Variants in CNGB3 observed in about 807,000 individuals in gnomAD.
CNGB3 encodes cyclic nucleotide-gated channel beta-3.
Under a neutral mutation model 92.8 loss-of-function variants are expected in CNGB3, and 86 were observed. The ratio of observed to expected loss-of-function variants is 0.93; its 90% CI spans 0.78 to 1.11. The LOEUF is 1.11. Among genes scored for constraint, CNGB3 ranks in the 50% least tolerant of loss-of-function variants. The probability of loss-of-function intolerance (pLI) is 0.00; values close to 1 mark genes in which losing one functional copy is unlikely to be tolerated. For synonymous variants in CNGB3, 333 were observed against 332.7 expected (o/e 1.00, Z -0.01); for missense variants, 1,026 against 956.8 (o/e 1.07, Z -0.95).
intron 6 of CNGB3, among the ~76,000 whole-genome samples, chr8:86,665,384 A>T (rs1823722079): frequency 6.6e-6 from 1 of 152,194 alleles, no homozygotes; most frequent in Non-Finnish European, 1.5e-5. Flanking sequence ...CTTAAAACAG[A>T]CCTACCATTT....
intron 15 of CNGB3, among the ~76,000 whole-genome samples, chr8:86,580,214 C>T (rs902588887): frequency 6.0e-5 from 9 of 150,316 alleles, no homozygotes; most frequent in Non-Finnish European, 1.2e-4. Context: ...GGGGGAACTG[C>T]CCTCATGATC....
chr8:86,598,237 G>A (rs1415156389), intron 15 of CNGB3, among the ~76,000 whole-genome samples: 1 of 152,190 alleles, frequency 6.6e-6, no homozygotes, highest in African/African-American at 2.4e-5. Context: ...ACTGATTGTG[G>A]AGGATATGGT....
chr8:86,702,926 C>T (rs1034937010), intron 3 of CNGB3, among the ~76,000 whole-genome samples: 2 of 151,826 alleles, frequency 1.3e-5, no homozygotes, highest in African/African-American at 2.4e-5. Context: ...TTTGTCATTT[C>T]TTCCACCTTA....
chr8:86,642,467 G>A (rs534246541), intron 10 of CNGB3, among the ~76,000 whole-genome samples: 15 of 151,624 alleles, frequency 9.9e-5, no homozygotes, highest in South Asian at 4.1e-4. Context: ...CTTTAAAATC[G>A]GTTCTGGTTG....
intron 6 of CNGB3, chr8:86,659,061 C>T: frequency 1.1e-6 from 1 of 885,830 alleles, no homozygotes; most frequent in Admixed American, 2.0e-5. Context: ...CTCAGAGGGC[C>T]CTGCTGGGGG....
chr8:86,716,084 G>A (rs1824848458), intron 3 of CNGB3, among the ~76,000 whole-genome samples: 1 of 151,998 alleles, frequency 6.6e-6, no homozygotes, highest in Non-Finnish European at 1.5e-5. Flanking sequence ...AAAGCAAAAT[G>A]CACTAGAAAG....
intron 3 of CNGB3, among the ~76,000 whole-genome samples, chr8:86,676,308 A>G (rs9297946): frequency 0.77 from 117,487 of 151,994 alleles, 46,752 homozygotes; most frequent in East Asian, 1. Context: ...TAGTTGAATC[A>G]TGAAGGATGG....
At chr8:86,728,330 T>A (rs1177296946) in intron 2 of CNGB3, among the ~76,000 whole-genome samples, 1 of 152,136 alleles carries the variant, frequency 6.6e-6, no homozygotes, top group East Asian at 1.9e-4. Flanking sequence ...AATGAGTTTA[T>A]CAGTATCCAA....
chr8:86,614,362 G>A (rs1447764114), intron 13 of CNGB3, among the ~76,000 whole-genome samples: 2 of 152,078 alleles, frequency 1.3e-5, no homozygotes, highest in African/African-American at 2.4e-5. Context: ...ACTCATGTCT[G>A]CTTGCTGTAA....
At chr8:86,700,949 T>A (rs915735253) in intron 3 of CNGB3, among the ~76,000 whole-genome samples, 3 of 152,174 alleles carry the variant, frequency 2.0e-5, no homozygotes, top group Admixed American at 6.5e-5. Context: ...TGGGAAGGAA[T>A]GTTTTTGAAT....
intron 3 of CNGB3, among the ~76,000 whole-genome samples, chr8:86,694,423 C>G (rs1312950867): frequency 6.6e-6 from 1 of 150,650 alleles, no homozygotes; most frequent in Non-Finnish European, 1.5e-5. Context: ...CCCTCCCGGA[C>G]GGGGTGGCTG....
intron 7 of CNGB3, among the ~76,000 whole-genome samples, chr8:86,653,781 C>A (rs1360534933): frequency 6.6e-6 from 1 of 152,038 alleles, no homozygotes; most frequent in Non-Finnish European, 1.5e-5. Context: ...GAATTCAAAT[C>A]TGGGCACTAA....
At chr8:86,596,357 C>G (rs1253181060) in intron 15 of CNGB3, among the ~76,000 whole-genome samples, 2 of 152,112 alleles carry the variant, frequency 1.3e-5, no homozygotes, top group African/African-American at 4.8e-5. Flanking sequence ...AATGCTTCTA[C>G]CTTTTGGCCT....
chr8:86,654,182 C>T (rs998710532), intron 6 of CNGB3, 120 bp from the exon 7 acceptor site: 3 of 720,756 alleles, frequency 4.2e-6, no homozygotes, highest in African/African-American at 1.8e-5. Context: ...AATAAACATC[C>T]TCCATATTCC....
At chr8:86,675,818 AAAAAG>A (rs1823956043) in intron 3 of CNGB3, among the ~76,000 whole-genome samples, 1 of 152,240 alleles carries the variant, frequency 6.6e-6, no homozygotes, top group African/African-American at 2.4e-5. Context: ...AAAGCTGATG[AAAAAG>A]AAAAGAACTA....
chr8:86,735,257 C>T (rs961980809), intron 2 of CNGB3, among the ~76,000 whole-genome samples: 8 of 148,810 alleles, frequency 5.4e-5, no homozygotes, highest in African/African-American at 2.0e-4. Flanking sequence ...ATTCTCCTGC[C>T]TCAGCCTCCC....
At chr8:86,676,226 G>T (rs1376410913) in intron 3 of CNGB3, among the ~76,000 whole-genome samples, 3 of 152,146 alleles carry the variant, frequency 2.0e-5, no homozygotes, top group Admixed American at 2.0e-4. Flanking sequence ...ATGGAGAGAT[G>T]ACTAATTTTG....
At chr8:86,717,854 A>C (rs1824891672) in intron 3 of CNGB3, among the ~76,000 whole-genome samples, 1 of 152,198 alleles carries the variant, frequency 6.6e-6, no homozygotes, top group African/African-American at 2.4e-5. Context: ...ATCAACTCCA[A>C]AAGGAACCCT....
intron 13 of CNGB3, among the ~76,000 whole-genome samples, chr8:86,622,375 C>CTTT (rs11318413): frequency 7.6e-6 from 1 of 131,692 alleles, no homozygotes; most frequent in South Asian, 2.4e-4. Context: ...GGCCATTCTT[C>CTTT]TTTTTTTTTT....
Sources: allele counts gnomAD v4.1 joint callset (sites outside exome capture counted in the v4.1 genomes callset), GRCh38; gene constraint gnomAD v4.1.1; transcripts MANE v1.5; gene names NCBI Gene and HGNC (gene_info 2026-07-23, HGNC 2026-07-21).